TP63: variants seen among roughly 807,000 people sequenced by gnomAD.
The protein encoded by TP63 is tumor protein 63.
A neutral mutation model predicts 82.8 loss-of-function variants in TP63; 17 were observed. That is an observed-to-expected ratio of 0.21 (90% CI 0.14 to 0.31). The LOEUF (loss-of-function observed/expected upper bound fraction) is 0.31. TP63 is among the 10% of genes least tolerant of loss of function. The pLI is 1.00. For synonymous variants in TP63, 330 were observed against 321.7 expected (o/e 1.03, Z -0.28); for missense variants, 648 against 895.3 (o/e 0.72, Z 3.52).
chr3:189,890,709 T>G, intron 12 of TP63, 80 bp from the exon 13 acceptor site: 1 of 1,359,796 alleles, frequency 7.4e-7, no homozygotes, highest in Non-Finnish European at 1.0e-6. Context: ...ATATATTGGG[T>G]TTTCCCTTAT....
At chr3:189,715,555 A>T (rs1718898131) in intron 1 of TP63, among the ~76,000 whole-genome samples, 1 of 152,170 alleles carries the variant, frequency 6.6e-6, no homozygotes, top group South Asian at 2.1e-4. Context: ...ACAAACTGAC[A>T]TTGATGGTAA....
At chr3:189,705,359 G>C (rs1025637260) in intron 1 of TP63, among the ~76,000 whole-genome samples, 9 of 152,174 alleles carry the variant, frequency 5.9e-5, no homozygotes, top group South Asian at 2.1e-4. Flanking sequence ...CCAGTATTTA[G>C]CATATAGTAA....
intron 3 of TP63, among the ~76,000 whole-genome samples, chr3:189,771,316 T>TTATGTATTTATATATAATATAA (rs1560171591): frequency 1.5e-5 from 2 of 136,658 alleles, no homozygotes; most frequent in African/African-American, 5.6e-5. Context: ...ATATAATATA[T>TTATGTATTTATATATAATATAA]TATATATTTA....
At chr3:189,875,290 G>A (rs553940836) in intron 10 of TP63, among the ~76,000 whole-genome samples, 3 of 151,660 alleles carry the variant, frequency 2.0e-5, no homozygotes, top group South Asian at 2.1e-4. Context: ...ACTGTAGGCC[G>A]GGCACGGTGG....
intron 1 of TP63, 104 bp downstream of exon 1, chr3:189,631,681 C>CAA (rs1395906535): frequency 6.3e-7 from 1 of 1,599,914 alleles, no homozygotes; most frequent in African/African-American, 1.3e-5. Flanking sequence ...CTTGTTTAGT[C>CAA]AGCACAGTGA....
At chr3:189,670,611 A>C (rs1357471828) in intron 1 of TP63, among the ~76,000 whole-genome samples, 1 of 152,118 alleles carries the variant, frequency 6.6e-6, no homozygotes, top group African/African-American at 2.4e-5. Context: ...AAAACAGGAC[A>C]CATAAAAGAT....
At chr3:189,660,297 A>G (rs1230350438) in intron 1 of TP63, among the ~76,000 whole-genome samples, 1 of 152,038 alleles carries the variant, frequency 6.6e-6, no homozygotes, top group African/African-American at 2.4e-5. Flanking sequence ...CCATTGATTG[A>G]CTATGGAGTC....
In TP63 at chr3:189,675,945, C is replaced by CTTTTTGCTGCCATTGTT. The variant is rs11268875; in HGVS notation, c.62+44368_62+44369insTTTTTGCTGCCATTGTT. ...CTTTTTTTTCCAGTAGAGCCAGAAA[C>CTTTTTGCTGCCATTGTT]ACACACATTCATTAAAAAGAACCGT... On this transcript the variant is annotated intron_variant, in intron 1 of 13. Coordinates refer to ENST00000264731, the MANE Select transcript of TP63 (RefSeq NM_003722.5). Among the ~76,000 whole-genome samples the CTTTTTGCTGCCATTGTT allele has an allele frequency of 1.4e-4, 21 of 151,956 alleles. 1 individual carries two copies. In the South Asian group the frequency reaches 4.4e-3, roughly 32 times the overall value.
intron 10 of TP63, chr3:189,873,548 A>G (rs1291942471): frequency 1.2e-5 from 2 of 167,232 alleles, no homozygotes; most frequent in African/African-American, 4.8e-5. Flanking sequence ...ATAAGGTAGC[A>G]TCATGTTGCC....
intron 1 of TP63, among the ~76,000 whole-genome samples, chr3:189,717,710 T>G (rs1441094607): frequency 1.3e-5 from 2 of 152,226 alleles, no homozygotes; most frequent in Admixed American, 6.5e-5. Context: ...AATCTGGGAA[T>G]TAGGCTTGAG....
intron 3 of TP63, among the ~76,000 whole-genome samples, chr3:189,788,923 G>C (rs1232797882): frequency 6.9e-6 from 1 of 144,220 alleles, no homozygotes; most frequent in Admixed American, 7.0e-5. Flanking sequence ...TATTCAAATA[G>C]ATAAGCGTTT....
chr3:189,818,852 A>G (rs1728482644), intron 4 of TP63, among the ~76,000 whole-genome samples: 1 of 152,234 alleles, frequency 6.6e-6, no homozygotes, highest in Admixed American at 6.5e-5. Context: ...GCTAGATATG[A>G]GAAGAGTTTG....
At chr3:189,826,667 T>A (rs972522788) in intron 4 of TP63, among the ~76,000 whole-genome samples, 1 of 152,154 alleles carries the variant, frequency 6.6e-6, no homozygotes, top group Non-Finnish European at 1.5e-5. Flanking sequence ...CAGTTCTATC[T>A]CCTTATAAGC....
intron 1 of TP63, among the ~76,000 whole-genome samples, chr3:189,632,046 T>C (rs1251781187): frequency 6.7e-6 from 1 of 149,286 alleles, no homozygotes; most frequent in Non-Finnish European, 1.5e-5. Context: ...TTTTTTGGTA[T>C]GTTTGATAAT....
chr3:189,788,009 G>A (rs957580227), intron 3 of TP63, among the ~76,000 whole-genome samples: 1 of 151,578 alleles, frequency 6.6e-6, no homozygotes, highest in African/African-American at 2.4e-5. Flanking sequence ...GCTTTCTACT[G>A]TTGACTCTTA....
Position 189,734,806 on chromosome 3 carries a change from C to G in TP63, c.63-2934C>G, listed in dbSNP as rs955281544. The stretch of plus-strand genomic sequence containing the variant: ...AGGGGTTTTAGTTCAAGACAGTCCT[C>G]TCTACCTATGCCTTGACCTTTTCCA... On this transcript the variant is annotated intron_variant, in intron 1 of 13. Coordinates refer to ENST00000264731, the MANE Select transcript of TP63 (RefSeq NM_003722.5). Among the ~76,000 whole-genome samples, 5 of 152,302 alleles carry G rather than the reference C, an allele frequency of 3.3e-5. No individual in the cohort carries two copies. In the South Asian group the frequency reaches 8.3e-4, roughly 25 times the overall value.
chr3:189,724,256 ATAGTGT>A (rs1719609293), intron 1 of TP63, among the ~76,000 whole-genome samples: 1 of 152,048 alleles, frequency 6.6e-6, no homozygotes, highest in Non-Finnish European at 1.5e-5. Context: ...TCAAGGTTCT[ATAGTGT>A]TAAAGTTTCC....
chr3:189,848,827 A>G (rs1715269778), intron 4 of TP63, among the ~76,000 whole-genome samples: 2 of 152,168 alleles, frequency 1.3e-5, no homozygotes, highest in African/African-American at 4.8e-5. Flanking sequence ...ACTTTGTCCA[A>G]GTTTCTTGGC....
chr3:189,743,431 C>T (rs2108510271), intron 3 of TP63, among the ~76,000 whole-genome samples: 1 of 152,138 alleles, frequency 6.6e-6, no homozygotes, highest in East Asian at 1.9e-4. Flanking sequence ...GACACTTTCC[C>T]TTTGGCCTGT....
Sources: allele counts gnomAD v4.1 joint callset (sites outside exome capture counted in the v4.1 genomes callset), GRCh38; gene constraint gnomAD v4.1.1; transcripts MANE v1.5; gene names NCBI Gene and HGNC (gene_info 2026-07-23, HGNC 2026-07-21).